Variants in HTR4 observed in about 807,000 individuals in gnomAD.
HTR4 encodes the protein 5-hydroxytryptamine receptor 4.
Under a neutral mutation model 36.8 loss-of-function variants are expected in HTR4, and 16 were observed. The observed-to-expected ratio is 0.43, with a 90% CI of 0.29 to 0.66. HTR4 has a LOEUF of 0.66. Ranked by LOEUF, HTR4 falls within the 30% of genes least tolerant of loss-of-function variation. The pLI, the probability that HTR4 is intolerant of heterozygous loss-of-function variation, is 0.13. For missense variants in HTR4, 438 were observed against 490.9 expected (o/e 0.89, Z 1.02); for synonymous variants, 189 against 185.1 (o/e 1.02, Z -0.17).
intron 4 of HTR4, among the ~76,000 whole-genome samples, chr5:148,542,346 C>A (rs1455033903): frequency 2.6e-5 from 4 of 152,176 alleles, no homozygotes; most frequent in African/African-American, 4.8e-5. Flanking sequence ...AGACACTTTT[C>A]ATTTATACAT....
intron 5 of HTR4, among the ~76,000 whole-genome samples, chr5:148,452,389 T>C (rs982531094): frequency 2.6e-5 from 4 of 152,140 alleles, no homozygotes; most frequent in African/African-American, 9.7e-5. Context: ...GGACTAGGTA[T>C]AAGTCTAGAA....
intron 6 of HTR4, among the ~76,000 whole-genome samples, chr5:148,498,146 T>C (rs1043151377): frequency 6.6e-6 from 1 of 152,200 alleles, no homozygotes; most frequent in Non-Finnish European, 1.5e-5. Flanking sequence ...TATTTAATAA[T>C]AAAATTTCAT....
intron 6 of HTR4, among the ~76,000 whole-genome samples, chr5:148,507,793 G>A (rs1757298239): frequency 6.6e-6 from 1 of 152,102 alleles, no homozygotes; most frequent in Non-Finnish European, 1.5e-5. Context: ...AACTGACTTA[G>A]CAAATGTATT....
chr5:148,476,697 A>AG, downstream of HTR4: 1 of 1,610,490 alleles, frequency 6.2e-7, no homozygotes, highest in Non-Finnish European at 8.5e-7. Context: ...GCACTAAGAA[A>AG]AAAAAATGAG....
chr5:148,554,237 G>C (rs1441408345), intron 2 of HTR4, among the ~76,000 whole-genome samples: 1 of 152,034 alleles, frequency 6.6e-6, no homozygotes, highest in African/African-American at 2.4e-5. Flanking sequence ...CACCATGCCT[G>C]GCTAATTTTG....
At chr5:148,575,750 A>G (rs1457743029) in intron 2 of HTR4, among the ~76,000 whole-genome samples, 2 of 152,102 alleles carry the variant, frequency 1.3e-5, no homozygotes, top group African/African-American at 4.8e-5. Flanking sequence ...AATAAACTAA[A>G]CATATCAATA....
chr5:148,633,256 C>T (rs1370089789), intron 2 of HTR4, among the ~76,000 whole-genome samples: 1 of 152,106 alleles, frequency 6.6e-6, no homozygotes, highest in Non-Finnish European at 1.5e-5. Context: ...TATGGAGACT[C>T]TTAAGAGGAA....
chr5:148,512,007 A>G (rs1483107091), intron 5 of HTR4, among the ~76,000 whole-genome samples: 3 of 152,200 alleles, frequency 2.0e-5, no homozygotes, highest in African/African-American at 7.2e-5. Flanking sequence ...TAGTACATTG[A>G]CATCACTCCT....
chr5:148,623,069 G>C (rs1161898673), intron 2 of HTR4, among the ~76,000 whole-genome samples: 1 of 152,094 alleles, frequency 6.6e-6, no homozygotes, highest in Non-Finnish European at 1.5e-5. Flanking sequence ...GTTGGGCAGA[G>C]TGCAAATGCA....
At chr5:148,462,231 G>C (rs1004959604) in intron 5 of HTR4, among the ~76,000 whole-genome samples, 1 of 151,788 alleles carries the variant, frequency 6.6e-6, no homozygotes, top group Non-Finnish European at 1.5e-5. Context: ...CAAAAAGCTA[G>C]TTCTTTGAAA....
At chr5:148,463,346 T>G (rs1478824240) in intron 5 of HTR4, among the ~76,000 whole-genome samples, 1 of 150,996 alleles carries the variant, frequency 6.6e-6, no homozygotes, top group Non-Finnish European at 1.5e-5. Context: ...CTATTTTTGT[T>G]TTTTTTTGTA....
At chr5:148,581,490 C>G (rs567637605) in intron 2 of HTR4, among the ~76,000 whole-genome samples, 3 of 152,142 alleles carry the variant, frequency 2.0e-5, no homozygotes, top group South Asian at 4.1e-4. Flanking sequence ...ATGTTCAAAT[C>G]TGTAATTCAT....
intron 2 of HTR4, among the ~76,000 whole-genome samples, chr5:148,608,014 G>A (rs766734306): frequency 2.6e-5 from 4 of 152,142 alleles, no homozygotes; most frequent in African/African-American, 7.2e-5. Flanking sequence ...TGGTGCAGGA[G>A]CTTAGAACCT....
At chr5:148,541,286 C>T (rs779171995) in intron 4 of HTR4, among the ~76,000 whole-genome samples, 39 of 152,222 alleles carry the variant, frequency 2.6e-4, no homozygotes, top group African/African-American at 5.1e-4. Flanking sequence ...CCAACCCCAG[C>T]GTCATACAAA....
chr5:148,501,311 T>C (rs1255723390), intron 6 of HTR4, among the ~76,000 whole-genome samples: 1 of 152,124 alleles, frequency 6.6e-6, no homozygotes, highest in African/African-American at 2.4e-5. Context: ...ATTTCTATGG[T>C]TTTTATGAAT....
chr5:148,574,072 A>G (rs1187083324), intron 2 of HTR4, among the ~76,000 whole-genome samples: 1 of 152,038 alleles, frequency 6.6e-6, no homozygotes, highest in Non-Finnish European at 1.5e-5. Flanking sequence ...TAGTCCCATC[A>G]TTGCTCCTTT....
intron 2 of HTR4, among the ~76,000 whole-genome samples, chr5:148,586,670 A>C (rs907278177): frequency 6.6e-6 from 1 of 152,138 alleles, no homozygotes; most frequent in Non-Finnish European, 1.5e-5. Flanking sequence ...GTGGGGATAG[A>C]GCCAAACCAT....
rs1294941191 is a variant in HTR4, at chr5:148,548,720, C to T, written c.301G>A (p.Val101Ile). The T allele has an allele frequency of 3.1e-6, 5 of 1,612,064 alleles. No homozygotes were observed. Among genetic ancestry groups the T allele is most frequent in the Admixed American group, 1.7e-5 (1 of 59,860 alleles). ...VFCLVRTSLD[V>I]LLTTASIFHL... ...AAAATCGATGCCGTTGTGAGCAGGA[C>T]GTCCAGAGATGTCCGAACAAGACAA... is the stretch of plus-strand genomic sequence containing the variant. The change falls in exon 4 of 7, where the codon GTC (valine) becomes ATC (isoleucine). Residue 101 changes from valine to isoleucine, a missense_variant. Transcript: ENST00000377888.
intron 2 of HTR4, among the ~76,000 whole-genome samples, chr5:148,555,716 TTCTCCG>T (rs1759917482): frequency 6.6e-6 from 1 of 152,132 alleles, no homozygotes; most frequent in Non-Finnish European, 1.5e-5. Flanking sequence ...CTTTTTTGCT[TTCTCCG>T]TGATCTTTTG....
Sources: gnomAD v4.1 joint callset for allele counts (sites outside exome capture counted in the v4.1 genomes callset) on GRCh38, gnomAD v4.1.1 for gene constraint, MANE v1.5 for transcripts, NCBI Gene and HGNC (gene_info 2026-07-23, HGNC 2026-07-21) for gene names.